Variants in SNTG2 observed in about 807,000 individuals in gnomAD.
SNTG2 encodes the protein gamma-2-syntrophin.
A neutral mutation model predicts 70.9 loss-of-function variants in SNTG2; 74 were observed. That is an observed-to-expected ratio of 1.04 (90% CI 0.86 to 1.27). SNTG2 has a LOEUF of 1.27. SNTG2 is among the 50% of genes most tolerant of loss of function. SNTG2 has a pLI of 0.00. For missense variants in SNTG2, 717 were observed against 690.7 expected, an observed-to-expected ratio of 1.04 and a Z score of -0.43; for synonymous variants, 278 against 273.8, an observed-to-expected ratio of 1.02 and a Z score of -0.15.
chr2:1,324,103 C>CGGT (rs1201003612), intron 16 of SNTG2, among the ~76,000 whole-genome samples: 12 of 151,688 alleles, frequency 7.9e-5, no homozygotes, highest in African/African-American at 2.9e-4. Flanking sequence ...GCCTGAGACC[C>CGGT]CCCAGTAGTC....
intron 4 of SNTG2, among the ~76,000 whole-genome samples, chr2:1,133,804 C>T (rs576433345): frequency 6.6e-6 from 1 of 152,330 alleles, no homozygotes; most frequent in Non-Finnish European, 1.5e-5. Flanking sequence ...GGGAATGACT[C>T]TTCTTCCTCC....
chr2:1,185,270 C>G lies in SNTG2; in HGVS notation c.591+12087C>G, dbSNP rs138788797. On this transcript the variant is annotated intron_variant, in intron 8 of 16. Coordinates refer to ENST00000308624, the MANE Select transcript of SNTG2 (RefSeq NM_018968.4). ...CAGCTCCTATTACTGCTCTCAAAGA[C>G]TGGCGTTGAGTGCCTGTGGGTCTTC... Among the ~76,000 whole-genome samples the G allele has an allele frequency of 6.1e-3, 929 of 152,352 alleles. 7 individuals carry two copies. The highest frequency in any genetic ancestry group is 0.01 in the Middle Eastern group (3 of 294).
At chr2:1,002,854 CAATG>C (rs1659442747) in intron 1 of SNTG2, among the ~76,000 whole-genome samples, 1 of 151,260 alleles carries the variant, frequency 6.6e-6, no homozygotes, top group African/African-American at 2.4e-5. Flanking sequence ...ATGTGTTCTT[CAATG>C]AATGAATGAC....
intron 1 of SNTG2, among the ~76,000 whole-genome samples, chr2:1,058,628 C>G (rs1308564890): frequency 6.6e-6 from 1 of 152,224 alleles, no homozygotes; most frequent in East Asian, 1.9e-4. Context: ...AAGGTGAACC[C>G]TGGTTGCTAT....
At chr2:1,298,123 A>C (rs1680301160) in intron 14 of SNTG2, among the ~76,000 whole-genome samples, 1 of 152,054 alleles carries the variant, frequency 6.6e-6, no homozygotes, top group East Asian at 1.9e-4. Flanking sequence ...CATTTCATTC[A>C]TTTATTTATT....
intron 1 of SNTG2, among the ~76,000 whole-genome samples, chr2:1,007,800 C>T (rs529599526): frequency 6.6e-6 from 1 of 152,288 alleles, no homozygotes; most frequent in South Asian, 2.1e-4. Flanking sequence ...GAGGCAGACT[C>T]TCACTCGATG....
chr2:1,199,696 CA>C (rs1673159619), intron 8 of SNTG2, among the ~76,000 whole-genome samples: 2 of 151,904 alleles, frequency 1.3e-5, no homozygotes, highest in Admixed American at 1.3e-4. Context: ...AATCAATACA[CA>C]AAAACCAGTA....
At chr2:1,200,178 CA>C (rs1047190745) in intron 8 of SNTG2, among the ~76,000 whole-genome samples, 1 of 151,594 alleles carries the variant, frequency 6.6e-6, no homozygotes, top group African/African-American at 2.4e-5. Context: ...ACACAGAGAC[CA>C]ATAAAATATA....
At chr2:1,060,101 A>T (rs1662714248) in intron 1 of SNTG2, among the ~76,000 whole-genome samples, 1 of 152,336 alleles carries the variant, frequency 6.6e-6, no homozygotes, top group African/African-American at 2.4e-5. Context: ...ATGTACTCTT[A>T]CCTGCAGGCC....
At chr2:1,205,044 C>T (rs980023896) in intron 8 of SNTG2, among the ~76,000 whole-genome samples, 4 of 152,098 alleles carry the variant, frequency 2.6e-5, no homozygotes, top group Admixed American at 1.3e-4. Context: ...GAGAAATATA[C>T]AAAATGGGTG....
chr2:1,098,518 A>G, intron 4 of SNTG2, 108 bp downstream of exon 4: 1 of 1,158,944 alleles, frequency 8.6e-7, no homozygotes, highest in South Asian at 1.3e-5. Flanking sequence ...GATTACCTAA[A>G]CTTCCGTTTT....
At chr2:1,247,989 G>A (rs1677534383) in intron 12 of SNTG2, among the ~76,000 whole-genome samples, 1 of 152,086 alleles carries the variant, frequency 6.6e-6, no homozygotes, top group African/African-American at 2.4e-5. Context: ...AATGTGTAAT[G>A]TCTAGAAGTT....
intron 1 of SNTG2, among the ~76,000 whole-genome samples, chr2:1,029,944 A>G (rs1660718474): frequency 6.6e-6 from 1 of 152,092 alleles, no homozygotes; most frequent in African/African-American, 2.4e-5. Context: ...TTCCTGTATC[A>G]TTTCCAGTGT....
At position 1,080,690 on chromosome 2, in the gene SNTG2, GTGTT is replaced by G. The variant is rs544992679; in HGVS notation, c.73-2825_73-2822del. Among the ~76,000 whole-genome samples, 113 of 152,054 alleles carry G rather than the reference GTGTT, an allele frequency of 7.4e-4. 1 individual carries two copies. The highest frequency in any genetic ancestry group is 2.4e-3 in the African/African-American group (99 of 41,468). ...TGCATCCCTGTATGTGTGTGCATGA[GTGTT>G]TGGGCATGTGTGGAGGTATGCATGT... On this transcript the variant is annotated intron_variant, in intron 1 of 16. Coordinates refer to ENST00000308624, the MANE Select transcript of SNTG2 (RefSeq NM_018968.4).
At chr2:1,178,890 C>T (rs997652905) in intron 8 of SNTG2, among the ~76,000 whole-genome samples, 1 of 152,158 alleles carries the variant, frequency 6.6e-6, no homozygotes, top group African/African-American at 2.4e-5. Flanking sequence ...ACCAGCTCCT[C>T]CTTGTACCTC....
At chr2:1,032,843 A>G (rs1305201571) in intron 1 of SNTG2, among the ~76,000 whole-genome samples, 2 of 152,110 alleles carry the variant, frequency 1.3e-5, no homozygotes, top group African/African-American at 4.8e-5. Context: ...GTGTCACTAT[A>G]AAGAAATAGC....
intron 14 of SNTG2, 67 bp downstream of exon 14, chr2:1,267,638 A>G (rs1037634240): frequency 9.5e-6 from 13 of 1,370,850 alleles, no homozygotes; most frequent in Non-Finnish European, 1.2e-5. Context: ...GCATTGGGGA[A>G]TATGTAGCAG....
intron 7 of SNTG2, among the ~76,000 whole-genome samples, chr2:1,169,776 C>T (rs1671001219): frequency 6.6e-6 from 1 of 152,186 alleles, no homozygotes; most frequent in African/African-American, 2.4e-5. Flanking sequence ...CTACACGGAC[C>T]ACCCCACACG....
chr2:1,212,937 G>A (rs979655791), intron 9 of SNTG2, among the ~76,000 whole-genome samples: 2 of 152,206 alleles, frequency 1.3e-5, no homozygotes, highest in Non-Finnish European at 2.9e-5. Flanking sequence ...AAAGCTGTAA[G>A]CTGTAGCCCA....
Sources: allele counts gnomAD v4.1 joint callset (sites outside exome capture counted in the v4.1 genomes callset), GRCh38; gene constraint gnomAD v4.1.1; transcripts MANE v1.5; gene names NCBI Gene and HGNC (gene_info 2026-07-23, HGNC 2026-07-21).